PRKN: variants seen among roughly 807,000 people sequenced by gnomAD.
PRKN encodes E3 ubiquitin-protein ligase parkin.
A neutral mutation model predicts 59.5 loss-of-function variants in PRKN; 56 were observed. The ratio of observed to expected loss-of-function variants is 0.94; its 90% CI spans 0.76 to 1.18. PRKN has a LOEUF of 1.18. Ranked by LOEUF, PRKN falls within the 50% of genes most tolerant of loss-of-function variation. The probability of loss-of-function intolerance (pLI) is 0.00; values close to 1 mark genes in which losing one functional copy is unlikely to be tolerated. For missense variants in PRKN, 657 were observed against 596.4 expected (o/e 1.10, Z -1.06); for synonymous variants, 250 against 222.1 (o/e 1.13, Z -1.12).
At chr6:162,580,744 T>C (rs944203750) in intron 1 of PRKN, among the ~76,000 whole-genome samples, 2 of 152,214 alleles carry the variant, frequency 1.3e-5, no homozygotes, top group Admixed American at 6.5e-5. Context: ...ACTGTTTATA[T>C]GTGGAAGCAC....
chr6:161,540,828 C>A (rs1361288696), intron 9 of PRKN, among the ~76,000 whole-genome samples: 1 of 152,176 alleles, frequency 6.6e-6, no homozygotes, highest in South Asian at 2.1e-4. Context: ...TTGGTTTAAT[C>A]TGGCTTACCT....
chr6:162,461,147 G>A (rs1231080458), intron 1 of PRKN, among the ~76,000 whole-genome samples: 3 of 151,722 alleles, frequency 2.0e-5, no homozygotes, highest in African/African-American at 7.3e-5. Context: ...ACAAGAATAT[G>A]ATACATGCTA....
In PRKN at chr6:161,360,194, G is replaced by A. The variant is rs751890444; in HGVS notation, c.1179C>T (p.Val393=). 12 of 1,612,954 alleles carry A rather than the reference G, an allele frequency of 7.4e-6. No homozygotes were observed. Among genetic ancestry groups the A allele is most frequent in the South Asian group, 3.3e-5 (3 of 91,044 alleles). Residue 393 remains valine (V), a synonymous_variant, in exon 11 of 12, where the codon GTC becomes GTT. Transcript: ENST00000366898. The surrounding 1 kb of genome is among the most constrained non-coding windows in gnomAD (Gnocchi z 5.1). Reference sequence around the variant, plus strand: ...GAGCCTGCTCGGCGGCTCTTTCATCGACTCTGTAGGCCTGGGGAAACAAAG... The same window carrying A: ...GAGCCTGCTCGGCGGCTCTTTCATCAACTCTGTAGGCCTGGGGAAACAAAG... ...ASGTTTQAYR[V]DERAAEQARW...
intron 2 of PRKN, among the ~76,000 whole-genome samples, chr6:162,421,253 C>G (rs1399349660): frequency 6.8e-6 from 1 of 148,066 alleles, no homozygotes; most frequent in Non-Finnish European, 1.5e-5. Flanking sequence ...TTGTGCCAGG[C>G]ACTCTCTGGA....
At chr6:162,038,692 T>C (rs1193016122) in intron 5 of PRKN, among the ~76,000 whole-genome samples, 1 of 152,220 alleles carries the variant, frequency 6.6e-6, no homozygotes, top group Admixed American at 6.5e-5. Context: ...TTTGTAAATA[T>C]GTCACTGATG....
chr6:161,562,832 T>C lies in PRKN; in HGVS notation c.933+6523A>G, dbSNP rs918181035. ...TGTCTTAATCCAGAGCCTCTCCATATTGCAACAAGATTGACATACTCAAAA... is the reference window on the plus strand; with the variant it reads ...TGTCTTAATCCAGAGCCTCTCCATACTGCAACAAGATTGACATACTCAAAA... On this transcript the variant is annotated intron_variant, in intron 8 of 11. Coordinates refer to ENST00000366898, the MANE Select transcript of PRKN (RefSeq NM_004562.3). The surrounding 1 kb of genome is among the most constrained non-coding windows in gnomAD (Gnocchi z 4.3). 1.3e-5 allele frequency among the ~76,000 whole-genome samples: 2 copies of C among 152,228 alleles called. No homozygotes were observed. The highest frequency in any genetic ancestry group is 6.5e-5 in the Admixed American group (1 of 15,286).
At chr6:161,643,115 CTAA>C (rs1783801805) in intron 7 of PRKN, among the ~76,000 whole-genome samples, 1 of 152,160 alleles carries the variant, frequency 6.6e-6, no homozygotes, top group Non-Finnish European at 1.5e-5. Flanking sequence ...CAATAGTTTT[CTAA>C]TAAGCCTGCT....
rs1041727927 is a variant in PRKN, at chr6:161,484,445, C to G, written c.1083+64409G>C. 2.0e-5 allele frequency among the ~76,000 whole-genome samples: 3 copies of G among 152,132 alleles called. No homozygotes were observed. Among genetic ancestry groups the G allele is most frequent in the African/African-American group, 7.2e-5 (3 of 41,428 alleles). Reference sequence around the variant, plus strand: ...ACTGGGTACGTTACGTGTTAGGGAGCGTCCCAAGTGCTTAGTAAGCATCGA... The same window carrying G: ...ACTGGGTACGTTACGTGTTAGGGAGGGTCCCAAGTGCTTAGTAAGCATCGA... On this transcript the variant is annotated intron_variant, in intron 9 of 11. Coordinates refer to ENST00000366898, the MANE Select transcript of PRKN (RefSeq NM_004562.3). This position sits in a 1 kb window ranked among gnomAD's most constrained non-coding sequence, Gnocchi z 4.9.
intron 5 of PRKN, among the ~76,000 whole-genome samples, chr6:161,979,861 C>T (rs1450676121): frequency 6.6e-6 from 1 of 152,116 alleles, no homozygotes; most frequent in Non-Finnish European, 1.5e-5. Flanking sequence ...CACTTATGTC[C>T]CTTCACCCAT....
chr6:161,940,189 C>A (rs1291016203), intron 6 of PRKN, among the ~76,000 whole-genome samples: 3 of 152,018 alleles, frequency 2.0e-5, no homozygotes, highest in Admixed American at 1.3e-4. Context: ...AGCCACCACA[C>A]CTGGCCAATG....
At chr6:162,335,045 G>T (rs1182914858) in intron 2 of PRKN, among the ~76,000 whole-genome samples, 1 of 152,042 alleles carries the variant, frequency 6.6e-6, no homozygotes, top group Non-Finnish European at 1.5e-5. Context: ...CAAGAGTCTT[G>T]CTCTGTCCTC....
At chr6:161,607,495 A>G (rs1039535090) in intron 7 of PRKN, among the ~76,000 whole-genome samples, 10 of 152,214 alleles carry the variant, frequency 6.6e-5, no homozygotes, top group Non-Finnish European at 1.5e-4. Flanking sequence ...GGTATAAAGA[A>G]AAAATATTTG....
chr6:162,669,962 A>G (rs1779258125), intron 1 of PRKN, among the ~76,000 whole-genome samples: 1 of 152,244 alleles, frequency 6.6e-6, no homozygotes, highest in Admixed American at 6.5e-5. Context: ...GAAAGCAAAT[A>G]TATCACTTTA....
In PRKN at chr6:161,386,623, C is replaced by T. The variant is rs181626821; in HGVS notation, c.1167+171G>A. 6.6e-6 allele frequency among the ~76,000 whole-genome samples: 1 copy of T among 152,310 alleles called. No homozygotes were observed. Among genetic ancestry groups the T allele is most frequent in the East Asian group, 1.9e-4 (1 of 5,184 alleles). On this transcript the variant is annotated intron_variant, in intron 10 of 11. Coordinates refer to ENST00000366898, the MANE Select transcript of PRKN (RefSeq NM_004562.3). The surrounding 1 kb of genome is among the most constrained non-coding windows in gnomAD (Gnocchi z 4.3). ...CCACTGGGAAGTCTACACTGTGCCC[C>T]AAGGAGGGGAGTCATTCTGGGAGAA...
chr6:162,636,959 A>C (rs536553671), intron 1 of PRKN, among the ~76,000 whole-genome samples: 97 of 139,622 alleles, frequency 6.9e-4, no homozygotes, highest in Non-Finnish European at 1.2e-3. Flanking sequence ...ATTCTGTCCC[A>C]AAAAAAAAAA....
Position 161,513,040 on chromosome 6 carries a change from C to T in PRKN, c.1083+35814G>A, listed in dbSNP as rs569850001. On this transcript the variant is annotated intron_variant, in intron 9 of 11. Coordinates refer to ENST00000366898, the MANE Select transcript of PRKN (RefSeq NM_004562.3). ...GGCCTCCACAGAACCACTCTTGCCA[C>T]GGTTTCGATTTCTCAGGTCAGGACC... 5.3e-4 allele frequency among the ~76,000 whole-genome samples: 80 copies of T among 152,282 alleles called. 1 individual carries two copies. The highest frequency in any genetic ancestry group is 1.0e-3 in the Non-Finnish European group (68 of 68,030).
intron 9 of PRKN, among the ~76,000 whole-genome samples, chr6:161,433,038 C>T (rs1177411857): frequency 2.0e-5 from 3 of 152,034 alleles, no homozygotes; most frequent in Non-Finnish European, 4.4e-5. Context: ...ACTTTTGCTT[C>T]TAATTCTTTG....
At chr6:162,107,092 C>G (rs113987112) in intron 4 of PRKN, among the ~76,000 whole-genome samples, 1 of 152,146 alleles carries the variant, frequency 6.6e-6, no homozygotes, top group South Asian at 2.1e-4. Context: ...AAAATGGGAA[C>G]AGTTATCATT....
intron 1 of PRKN, among the ~76,000 whole-genome samples, chr6:162,577,021 T>C (rs1362963128): frequency 6.6e-6 from 1 of 152,036 alleles, no homozygotes. Flanking sequence ...TAAAAAATGA[T>C]GACAGATTTG....
Sources: allele counts gnomAD v4.1 joint callset (sites outside exome capture counted in the v4.1 genomes callset), GRCh38; gene constraint gnomAD v4.1.1; non-coding constraint Gnocchi (gnomAD v3.1); transcripts MANE v1.5; gene names NCBI Gene and HGNC (gene_info 2026-07-23, HGNC 2026-07-21).